The following SUMO2 variants were observed in gnomAD, a reference collection of about 807,000 sequenced individuals.
The protein encoded by SUMO2 is small ubiquitin-related modifier 2.
In SUMO2, 1 loss-of-function variant was observed where a neutral mutation model predicts 16.0. The ratio of observed to expected loss-of-function variants is 0.06; its 90% CI spans 0.02 to 0.30. The LOEUF (loss-of-function observed/expected upper bound fraction) is 0.30. Among genes scored for constraint, SUMO2 ranks in the 10% least tolerant of loss-of-function variants. SUMO2 has a pLI of 1.00. For missense variants in SUMO2, 16 were observed against 117.5 expected, an observed-to-expected ratio of 0.14 and a Z score of 3.99; for synonymous variants, 36 against 40.6, an observed-to-expected ratio of 0.89 and a Z score of 0.43.
At position 75,182,845 on chromosome 17, in the gene SUMO2, G is replaced by T; in HGVS notation, c.-11C>A. On this transcript the variant is annotated 5_prime_UTR_variant, in exon 1 of 4. Coordinates refer to ENST00000420826, the MANE Select transcript of SUMO2 (RefSeq NM_006937.4). ...CTTTTCGTCGGCCATGGCGAGCGCC[G>T]GAGTCTCCTCAGCTGCCGCTTCACA... 1 of 1,410,650 alleles carries T rather than the reference G, an allele frequency of 7.1e-7. No homozygotes were observed. The highest frequency in any genetic ancestry group is 9.3e-7 in the Non-Finnish European group (1 of 1,075,214). 87.4% of individuals were successfully genotyped at this position (1,410,650 alleles called of 1,614,324 possible).
chr17:75,167,156 A>G lies in SUMO2; in HGVS notation c.*1183T>C, dbSNP rs1439100011. The G allele has an allele frequency of 3.4e-5, 5 of 148,062 alleles. No individual in the cohort carries two copies. Among genetic ancestry groups the G allele is most frequent in the Admixed American group, 7.0e-5 (1 of 14,326 alleles). 9.2% of individuals were successfully genotyped at this position (148,062 alleles called of 1,614,324 possible). The stretch of plus-strand genomic sequence containing the variant: ...TACGTGATAAAACCCTGTCTCGACT[A>G]AAAATAGAAAAAAAATTAGCTGGGC... On this transcript the variant is annotated 3_prime_UTR_variant, in exon 4 of 4. Coordinates refer to ENST00000420826, the MANE Select transcript of SUMO2 (RefSeq NM_006937.4).
chr17:75,182,631 G>A, intron 1 of SUMO2, 183 bp downstream of exon 1: 1 of 396,012 alleles, frequency 2.5e-6, no homozygotes, highest in Non-Finnish European at 4.0e-6. Context: ...GGCCTCCTTC[G>A]GCGCGGGAGG....
At chr17:75,177,148 T>C (rs908862230) in intron 2 of SUMO2, among the ~76,000 whole-genome samples, 5 of 150,660 alleles carry the variant, frequency 3.3e-5, no homozygotes, top group African/African-American at 1.2e-4. Context: ...GATCGTGCCA[T>C]TGCAAGAGCG....
At chr17:75,179,481 T>C (rs1021168108) in intron 2 of SUMO2, among the ~76,000 whole-genome samples, 6 of 147,598 alleles carry the variant, frequency 4.1e-5, no homozygotes, top group Admixed American at 2.8e-4. Context: ...TGAGTCGAGA[T>C]TGCACTACTG....
chr17:75,182,950 G>T lies in SUMO2; in HGVS notation c.-116C>A, dbSNP rs868371938. The T allele has an allele frequency of 4.1e-5, 36 of 886,700 alleles. No individual in the cohort carries two copies. Among genetic ancestry groups the T allele is most frequent in the Middle Eastern group, 4.0e-4 (1 of 2,518 alleles). 54.9% of individuals were successfully genotyped at this position (886,700 alleles called of 1,614,324 possible). A position where few individuals can be genotyped will look rare whatever the true frequency, so the allele number is the denominator to read the frequency against. On this transcript the variant is annotated 5_prime_UTR_variant, in exon 1 of 4. Transcript: ENST00000420826. ...GAAGAAGGAGGCGGCAGCGGTGGACGAGGGGAGAGGGTGCGCGCACGTCGT... is the reference window on the plus strand; with the variant it reads ...GAAGAAGGAGGCGGCAGCGGTGGACTAGGGGAGAGGGTGCGCGCACGTCGT...
Position 75,166,839 on chromosome 17 carries a change from C to T in SUMO2, c.*1500G>A, listed in dbSNP as rs750124626. On this transcript the variant is annotated 3_prime_UTR_variant, in exon 4 of 4. Transcript: ENST00000420826. ...AGGAGAATGGCGTGAACCCGGGAGGCGGAGCTTGCAGTGAGCCAAGATTGT... is the reference window on the plus strand; with the variant it reads ...AGGAGAATGGCGTGAACCCGGGAGGTGGAGCTTGCAGTGAGCCAAGATTGT... 163 of 151,634 alleles carry T rather than the reference C, an allele frequency of 1.1e-3. 1 individual carries two copies. The highest frequency in any genetic ancestry group is 4.9e-4 in the African/African-American group (20 of 41,232). 9.4% of individuals were successfully genotyped at this position (151,634 alleles called of 1,614,324 possible).
chr17:75,177,499 A>G (rs961316202), intron 2 of SUMO2, among the ~76,000 whole-genome samples: 2 of 152,126 alleles, frequency 1.3e-5, no homozygotes, highest in African/African-American at 4.8e-5. Context: ...CCTGATCAAC[A>G]TGGTGAAGCC....
At chr17:75,171,869 C>T (rs2074741537) in intron 3 of SUMO2, among the ~76,000 whole-genome samples, 1 of 152,070 alleles carries the variant, frequency 6.6e-6, no homozygotes. Context: ...ACAAGCCTGT[C>T]ATCTATCTAC....
At chr17:75,174,987 C>G (rs1172716312) in intron 2 of SUMO2, among the ~76,000 whole-genome samples, 164 bp from the exon 3 acceptor site, 1 of 152,048 alleles carries the variant, frequency 6.6e-6, no homozygotes, top group Non-Finnish European at 1.5e-5. Flanking sequence ...GGGTGATTTT[C>G]ATTTTCTTTT....
At chr17:75,177,034 T>C (rs1365002446) in intron 2 of SUMO2, among the ~76,000 whole-genome samples, 1 of 151,482 alleles carries the variant, frequency 6.6e-6, no homozygotes, top group Non-Finnish European at 1.5e-5. Context: ...AACACAAAAA[T>C]TGGCTGAGCA....
At chr17:75,172,373 G>A (rs1240592408) in intron 3 of SUMO2, among the ~76,000 whole-genome samples, 5 of 148,584 alleles carry the variant, frequency 3.4e-5, no homozygotes, top group Non-Finnish European at 5.9e-5. Flanking sequence ...AGGCTGGAGT[G>A]CAGTGGCACT....
chr17:75,179,616 A>G (rs538074752), intron 2 of SUMO2, among the ~76,000 whole-genome samples: 27 of 151,570 alleles, frequency 1.8e-4, no homozygotes, highest in Non-Finnish European at 2.9e-4. Context: ...TTCTTATTAC[A>G]TTGTAAATAC....
chr17:75,181,293 T>C, intron 1 of SUMO2, 105 bp from the exon 2 acceptor site: 7 of 1,195,534 alleles, frequency 5.9e-6, no homozygotes, highest in Non-Finnish European at 8.2e-6. Flanking sequence ...AGGTTTCTCA[T>C]ACTGTATGCT....
intron 3 of SUMO2, among the ~76,000 whole-genome samples, chr17:75,172,711 G>A (rs978524537): frequency 3.3e-5 from 5 of 151,930 alleles, no homozygotes; most frequent in Non-Finnish European, 1.5e-5. Context: ...CCAACCTCAG[G>A]TGATCCGCCC....
At chr17:75,171,172 C>G (rs1254006992) in intron 3 of SUMO2, among the ~76,000 whole-genome samples, 1 of 151,344 alleles carries the variant, frequency 6.6e-6, no homozygotes, top group Non-Finnish European at 1.5e-5. Context: ...TGTTGTTGCC[C>G]AGGGTGGAGT....
chr17:75,179,389 G>T (rs550880761), intron 2 of SUMO2, among the ~76,000 whole-genome samples: 2 of 152,124 alleles, frequency 1.3e-5, no homozygotes, highest in East Asian at 3.9e-4. Flanking sequence ...TTAGCTGGGC[G>T]TGGTGGCGTG....
intron 3 of SUMO2, among the ~76,000 whole-genome samples, chr17:75,173,954 G>GT (rs1045488598): frequency 2.0e-5 from 3 of 152,224 alleles, no homozygotes; most frequent in South Asian, 2.1e-4. Flanking sequence ...ACGTTTTGTA[G>GT]TAAGGATCTG....
intron 2 of SUMO2, among the ~76,000 whole-genome samples, chr17:75,177,085 G>A (rs2074788314): frequency 6.6e-6 from 1 of 151,630 alleles, no homozygotes; most frequent in Non-Finnish European, 1.5e-5. Context: ...CCAGCCGGAG[G>A]TTGAGGGGGG....
At chr17:75,181,314 A>G (rs1416997085) in intron 1 of SUMO2, 126 bp from the exon 2 acceptor site, 1 of 966,278 alleles carries the variant, frequency 1.0e-6, no homozygotes, top group African/African-American at 1.7e-5. Context: ...AAAACGGCAT[A>G]CTGCTGTTTT....
Sources: allele counts gnomAD v4.1 joint callset (sites outside exome capture counted in the v4.1 genomes callset), GRCh38; gene constraint gnomAD v4.1.1; transcripts MANE v1.5; gene names NCBI Gene and HGNC (gene_info 2026-07-23, HGNC 2026-07-21).